POLR2F: variants seen among roughly 807,000 people sequenced by gnomAD.
POLR2F encodes the protein RNA polymerase II, I and III subunit F, also known as DNA-directed RNA polymerases I, II, and III subunit RPABC2.
Under a neutral mutation model 22.7 loss-of-function variants are expected in POLR2F, and 12 were observed. The ratio of observed to expected loss-of-function variants is 0.53; its 90% CI spans 0.34 to 0.86. The LOEUF (loss-of-function observed/expected upper bound fraction) is 0.86, where lower values mean the gene tolerates loss of function less well. Ranked by LOEUF, POLR2F falls within the 40% of genes least tolerant of loss-of-function variation. The probability of loss-of-function intolerance (pLI) is 0.02; values close to 1 mark genes in which losing one functional copy is unlikely to be tolerated. For missense variants in POLR2F, 126 were observed against 171.5 expected (o/e 0.73, Z 1.48); for synonymous variants, 57 against 66.0 (o/e 0.86, Z 0.66).
chr22:37,966,354 G>C (rs918347601), intron 3 of POLR2F, among the ~76,000 whole-genome samples: 5 of 150,008 alleles, frequency 3.3e-5, no homozygotes, highest in Non-Finnish European at 7.4e-5. Context: ...ACTCTGGCCT[G>C]ATAGCCAAGG....
chr22:38,035,760 G>A lies in POLR2F; in HGVS notation c.453-5308G>A, dbSNP rs142841642. Among the ~76,000 whole-genome samples the A allele has an allele frequency of 7.1e-4, 108 of 152,296 alleles. No individual in the cohort carries two copies. The East Asian group carries it at 0.02, about 28-fold the overall frequency. Reference sequence around the variant, plus strand: ...GCAGAAGAGGAGGGGAAGCCCTGGCGGGAGCGGGTGGGAGGTGCTGCCCCT... The same window carrying A: ...GCAGAAGAGGAGGGGAAGCCCTGGCAGGAGCGGGTGGGAGGTGCTGCCCCT... On this transcript the variant is annotated intron_variant, in intron 5 of 5. Coordinates refer to the POLR2F transcript ENST00000407936.
intron 2 of POLR2F, 145 bp downstream of exon 2, chr22:37,956,987 A>C (rs1931430073): frequency 2.8e-6 from 2 of 715,898 alleles, no homozygotes; most frequent in Non-Finnish European, 5.1e-6. Context: ...GCTGTGTTCC[A>C]GTCTTGCATA....
At chr22:37,999,526 C>T (rs1047361181) in intron 1 of POLR2F, among the ~76,000 whole-genome samples, 2 of 152,086 alleles carry the variant, frequency 1.3e-5, no homozygotes, top group African/African-American at 4.8e-5. Context: ...TCTCCTGCTC[C>T]AGTTGTGGGG....
chr22:38,025,667 C>T (rs2085002219), intron 1 of POLR2F: 3 of 1,558,070 alleles, frequency 1.9e-6, no homozygotes, highest in Non-Finnish European at 2.6e-6. Context: ...CTCCCGCTGA[C>T]TTCTCCCGAC....
chr22:38,006,020 C>T (rs1359684538), intron 1 of POLR2F, among the ~76,000 whole-genome samples: 1 of 152,146 alleles, frequency 6.6e-6, no homozygotes, highest in African/African-American at 2.4e-5. Context: ...GCCAGGAGTT[C>T]AAGACCAGCC....
chr22:38,011,465 T>TC (rs1160398152), intron 1 of POLR2F, among the ~76,000 whole-genome samples: 1 of 140,122 alleles, frequency 7.1e-6, no homozygotes, highest in Non-Finnish European at 1.5e-5. Context: ...TATGGTTCTT[T>TC]TTTTTTTTTT....
In POLR2F at chr22:38,015,522, C is replaced by T. The variant is rs189017608; in HGVS notation, c.121-10347C>T. 2.4e-4 allele frequency among the ~76,000 whole-genome samples: 36 copies of T among 152,346 alleles called. No homozygotes were observed. The East Asian group carries it at 3.1e-3, about 13-fold the overall frequency. On this transcript the variant is annotated intron_variant, in intron 1 of 2. Coordinates refer to the POLR2F transcript ENST00000333418. ...GCTCCTTGAGCACTCCTCTCTCCCT[C>T]AATCCCAGATTTCTGCTTTTGGGTC...
At chr22:37,973,865 G>A (rs199657550), downstream of POLR2F, 49 of 1,609,484 alleles carry the variant, frequency 3.0e-5, no homozygotes, top group Non-Finnish European at 3.3e-5. Context: ...TGGTGAGACC[G>A]TGGGCAGAGC....
At chr22:38,022,077 G>A (rs2084964460) in intron 1 of POLR2F, among the ~76,000 whole-genome samples, 1 of 150,630 alleles carries the variant, frequency 6.6e-6, no homozygotes, top group Non-Finnish European at 1.5e-5. Flanking sequence ...GTTGCATTGA[G>A]CTGAGATCGT....
rs193041507 is a variant in POLR2F at position 38,002,288 on chromosome 22, G to T, written c.120+15976G>T. On this transcript the variant is annotated intron_variant, in intron 1 of 2. Transcript: ENST00000333418. ...CAAAGTATACAAAAATAGCAACAGA[G>T]AAATTATTCAAAATTTTAAATGAAA... is the stretch of plus-strand genomic sequence containing the variant. Among the ~76,000 whole-genome samples, 6 of 151,992 alleles carry T rather than the reference G, an allele frequency of 3.9e-5. No homozygotes were observed. The East Asian group carries it at 7.7e-4, about 20-fold the overall frequency.
chr22:37,963,660 A>C (rs139873), intron 3 of POLR2F, among the ~76,000 whole-genome samples: 45,483 of 152,082 alleles, frequency 0.3, 6,960 homozygotes, highest in African/African-American at 0.37. Flanking sequence ...TATGGGGCAC[A>C]CTAATATAGG....
intron 1 of POLR2F, among the ~76,000 whole-genome samples, chr22:37,998,594 G>A (rs2084739276): frequency 6.6e-6 from 1 of 152,162 alleles, no homozygotes; most frequent in South Asian, 2.1e-4. Flanking sequence ...GTTCCTTCCA[G>A]ACTCCCTCTC....
upstream of POLR2F, chr22:37,983,330 G>A (rs1436784812): frequency 8.2e-6 from 13 of 1,591,136 alleles, no homozygotes; most frequent in Non-Finnish European, 1.1e-5. The surrounding 1 kb of genome is among the most constrained non-coding windows in gnomAD (Gnocchi z 9.5). Context: ...TAGAGGGCCC[G>A]AGCCCGGGGG....
At chr22:38,010,009 C>T (rs1569179799) in intron 1 of POLR2F, among the ~76,000 whole-genome samples, 1 of 152,156 alleles carries the variant, frequency 6.6e-6, no homozygotes, top group Non-Finnish European at 1.5e-5. Context: ...TGGACATATG[C>T]TTTCATTTCT....
chr22:37,974,226 A>C (rs770901246), downstream of POLR2F: 215 of 1,547,460 alleles, frequency 1.4e-4, no homozygotes, highest in Non-Finnish European at 1.8e-4. The surrounding 1 kb of genome is among the most constrained non-coding windows in gnomAD (Gnocchi z 5.4). Context: ...AGAGAGAGAG[A>C]GCGCAAGGGG....
At chr22:37,959,563 A>G in intron 3 of POLR2F, 87 bp downstream of exon 3, 1 of 1,441,676 alleles carries the variant, frequency 6.9e-7, no homozygotes, top group Non-Finnish European at 9.5e-7. Flanking sequence ...CTGGCACCTG[A>G]AAACAGACTC....
At position 37,968,197 on chromosome 22, in the gene POLR2F, C is replaced by T. The variant is rs1405408228; in HGVS notation, c.*482C>T. 4.1e-6 allele frequency: 4 copies of T among 985,532 alleles called. No individual in the cohort carries two copies. Among genetic ancestry groups the T allele is most frequent in the East Asian group, 2.3e-4 (2 of 8,802 alleles). The allele number at this position is 985,532 out of a possible 1,614,324, so 61.0% of individuals were successfully genotyped here. A position where few individuals can be genotyped will look rare whatever the true frequency, so the allele number is the denominator to read the frequency against. On this transcript the variant is annotated 3_prime_UTR_variant, in exon 5 of 5. Transcript: ENST00000442738. ...TGCTTCGAGCCTCTTATCGTGGGCT[C>T]GGATCCCCTTTCAGGAGCAGTGCCC...
intron 1 of POLR2F, among the ~76,000 whole-genome samples, chr22:38,022,175 A>G (rs2145821530): frequency 6.6e-6 from 1 of 151,744 alleles, no homozygotes; most frequent in East Asian, 1.9e-4. Context: ...GGATAGTATG[A>G]ATCAGATGCA....
At chr22:37,979,499 G>A (rs941991625) in intron 4 of POLR2F, among the ~76,000 whole-genome samples, 8 of 152,072 alleles carry the variant, frequency 5.3e-5, no homozygotes, top group Middle Eastern at 3.2e-3. Context: ...TTCCAGTGTG[G>A]TGGGACTGAG....
Sources: allele counts gnomAD v4.1 joint callset (sites outside exome capture counted in the v4.1 genomes callset), GRCh38; gene constraint gnomAD v4.1.1; non-coding constraint Gnocchi (gnomAD v3.1); transcripts MANE v1.5; gene names NCBI Gene and HGNC (gene_info 2026-07-23, HGNC 2026-07-21).